TENM4: variants seen among roughly 807,000 people sequenced by gnomAD.
TENM4 encodes teneurin transmembrane protein 4.
TENM4 carries 82 observed loss-of-function variants against 243.3 expected under a neutral mutation model. The ratio of observed to expected loss-of-function variants is 0.34; its 90% CI spans 0.28 to 0.40. The LOEUF (loss-of-function observed/expected upper bound fraction) is 0.40, where lower values mean the gene tolerates loss of function less well. Ranked by LOEUF, TENM4 falls within the 10% of genes least tolerant of loss-of-function variation. The pLI is 1.00. For synonymous variants in TENM4, 1,412 were observed against 1,456.3 expected (o/e 0.97, Z 0.69); for missense variants, 3,138 against 3,673.3 (o/e 0.85, Z 3.77).
intron 3 of TENM4, among the ~76,000 whole-genome samples, chr11:79,169,710 C>A (rs1453176375): frequency 6.6e-6 from 1 of 152,146 alleles, no homozygotes. Flanking sequence ...GAGACTAGGG[C>A]AAAGACAAAC....
chr11:78,664,810 T>G (rs772603283), intron 32 of TENM4, among the ~76,000 whole-genome samples: 4 of 152,204 alleles, frequency 2.6e-5, no homozygotes, highest in Non-Finnish European at 4.4e-5. Context: ...TGCATCTGAA[T>G]TTGTAGTTGC....
chr11:79,161,620 G>A (rs1565229532), intron 3 of TENM4, among the ~76,000 whole-genome samples: 1 of 152,170 alleles, frequency 6.6e-6, no homozygotes, highest in Non-Finnish European at 1.5e-5. Context: ...GAGGAGCATG[G>A]AGTGGATTCT....
intron 14 of TENM4, among the ~76,000 whole-genome samples, chr11:78,808,856 AC>A (rs1351345064): frequency 6.6e-6 from 1 of 152,198 alleles, no homozygotes; most frequent in African/African-American, 2.4e-5. Context: ...AATTCTCATG[AC>A]CTGCCTCAGA....
chr11:79,233,260 C>A (rs1231746902), intron 2 of TENM4, among the ~76,000 whole-genome samples: 1 of 152,194 alleles, frequency 6.6e-6, no homozygotes, highest in Non-Finnish European at 1.5e-5. Context: ...TGAACTCTGA[C>A]ACATAGCAAA....
intron 6 of TENM4, among the ~76,000 whole-genome samples, chr11:78,977,681 G>A (rs906030331): frequency 5.3e-5 from 8 of 152,310 alleles, no homozygotes; most frequent in East Asian, 1.9e-4. Context: ...TTAGAATGGC[G>A]ATCATTAAAA....
intron 6 of TENM4, among the ~76,000 whole-genome samples, chr11:78,923,877 A>C (rs1856499874): frequency 7.1e-6 from 1 of 140,040 alleles, no homozygotes; most frequent in African/African-American, 2.7e-5. Flanking sequence ...CTTTTGAGAC[A>C]AGAGTCTTAC....
intron 17 of TENM4, among the ~76,000 whole-genome samples, chr11:78,771,383 C>A (rs1591011556): frequency 2.0e-5 from 3 of 152,158 alleles, no homozygotes; most frequent in Non-Finnish European, 4.4e-5. Context: ...AGGGCTGAAA[C>A]CCACACCTTC....
chr11:78,911,566 T>C (rs1049661085), intron 6 of TENM4, among the ~76,000 whole-genome samples: 3 of 152,210 alleles, frequency 2.0e-5, no homozygotes, highest in Admixed American at 2.0e-4. Context: ...GGAAACATAA[T>C]ATCCAATTCA....
intron 25 of TENM4, among the ~76,000 whole-genome samples, chr11:78,714,678 C>G (rs1172593911): frequency 6.6e-6 from 1 of 152,062 alleles, no homozygotes; most frequent in Non-Finnish European, 1.5e-5. Flanking sequence ...TCCACCCTCC[C>G]ATCCTCCCTC....
At chr11:79,208,192 C>T (rs1475693694) in intron 3 of TENM4, among the ~76,000 whole-genome samples, 7 of 152,182 alleles carry the variant, frequency 4.6e-5, no homozygotes, top group Admixed American at 4.6e-4. Flanking sequence ...CCAGAATACC[C>T]ATTCCAGTGG....
chr11:79,070,512 C>T (rs1396008435), intron 4 of TENM4, among the ~76,000 whole-genome samples: 1 of 152,116 alleles, frequency 6.6e-6, no homozygotes, highest in Admixed American at 6.5e-5. Context: ...CTTTTGGAAA[C>T]GAGCTAAGGT....
At chr11:78,718,745 G>A (rs1262246486) in intron 25 of TENM4, among the ~76,000 whole-genome samples, 3 of 152,160 alleles carry the variant, frequency 2.0e-5, no homozygotes, top group African/African-American at 7.2e-5. Context: ...TCAGATTTCA[G>A]TGTCAGGAAA....
intron 3 of TENM4, among the ~76,000 whole-genome samples, chr11:79,149,781 C>T (rs1016247540): frequency 1.3e-5 from 2 of 152,114 alleles, no homozygotes; most frequent in African/African-American, 4.8e-5. Context: ...ATCTCCATTT[C>T]CTCACCTGTA....
chr11:79,321,463 T>C (rs1856887504), intron 1 of TENM4, among the ~76,000 whole-genome samples: 1 of 151,930 alleles, frequency 6.6e-6, no homozygotes, highest in Admixed American at 6.6e-5. Context: ...AAATGATTCA[T>C]CTGAAAAGGT....
intron 2 of TENM4, among the ~76,000 whole-genome samples, chr11:79,216,825 G>A (rs2135228693): frequency 6.6e-6 from 1 of 152,296 alleles, no homozygotes; most frequent in Non-Finnish European, 1.5e-5. Context: ...TACCCAGTCT[G>A]AGGCATTCTG....
At chr11:78,956,988 T>C (rs1426957524) in intron 6 of TENM4, among the ~76,000 whole-genome samples, 1 of 152,200 alleles carries the variant, frequency 6.6e-6, no homozygotes, top group African/African-American at 2.4e-5. Context: ...ATAAATTAAA[T>C]ACCAATTTTA....
rs759775617 is a variant in TENM4 at position 78,670,372 on chromosome 11, G to A, written c.5973C>T (p.Asp1991=). ...PPEGNASVIQ[D]FTEDGHLLHT... is the part of the protein sequence containing the mutation. ...GAAGGAGGTGCCCATCCTCAGTGAA[G>A]TCCTGTATGACTGAGGCATTGCCCT... The change falls in exon 32 of 34, where the codon GAC becomes GAT. Residue 1991 remains aspartate (D), a synonymous_variant. Transcript: ENST00000278550. 2.5e-6 allele frequency: 4 copies of A among 1,613,972 alleles called. No individual in the cohort carries two copies. In the South Asian group the frequency reaches 4.4e-5, roughly 18 times the overall value.
chr11:79,073,610 A>G (rs1482699683), intron 4 of TENM4, among the ~76,000 whole-genome samples: 9 of 152,278 alleles, frequency 5.9e-5, no homozygotes, highest in African/African-American at 1.9e-4. Flanking sequence ...CGTTGCTCAC[A>G]TGTATTCTTT....
At chr11:78,999,393 G>C (rs565944289) in intron 6 of TENM4, among the ~76,000 whole-genome samples, 34 of 152,200 alleles carry the variant, frequency 2.2e-4, no homozygotes, top group African/African-American at 8.2e-4. Context: ...GTGTGCGCCT[G>C]TAGTCCCAGC....
Sources: allele counts gnomAD v4.1 joint callset (sites outside exome capture counted in the v4.1 genomes callset), GRCh38; gene constraint gnomAD v4.1.1; transcripts MANE v1.5; gene names NCBI Gene and HGNC (gene_info 2026-07-23, HGNC 2026-07-21).